The following TENT4B variants were observed in gnomAD, a reference collection of about 807,000 sequenced individuals.
TENT4B encodes PAP associated domain containing 5.
Under a neutral mutation model 75.0 loss-of-function variants are expected in TENT4B, and 10 were observed. The observed-to-expected ratio is 0.13, with a 90% CI of 0.08 to 0.23. The LOEUF is 0.23. Ranked by LOEUF, TENT4B falls within the 10% of genes least tolerant of loss-of-function variation. TENT4B has a pLI of 1.00. For synonymous variants in TENT4B, 350 were observed against 357.7 expected (o/e 0.98, Z 0.24); for missense variants, 579 against 893.8 (o/e 0.65, Z 4.49).
intron 1 of TENT4B, among the ~76,000 whole-genome samples, chr16:50,154,668 G>A (rs1327606929): frequency 2.6e-5 from 4 of 151,960 alleles, no homozygotes; most frequent in African/African-American, 9.7e-5. Context: ...CTTAGCACGG[G>A]CCTATCATTC....
Position 50,231,924 on chromosome 16 carries a change from T to C in TENT4B, c.*2596T>C. The C allele has an allele frequency of 1.0e-6, 1 of 978,344 alleles. No homozygotes were observed. Among genetic ancestry groups the C allele is most frequent in the Non-Finnish European group, 1.2e-6 (1 of 823,400 alleles). 60.6% of individuals were successfully genotyped at this position (978,344 alleles called of 1,614,324 possible). A position where few individuals can be genotyped will look rare whatever the true frequency, so the allele number is the denominator to read the frequency against. On this transcript the variant is annotated 3_prime_UTR_variant, in exon 12 of 12. Coordinates refer to ENST00000561678, the MANE Select transcript of TENT4B (RefSeq NM_001365324.3). ...TAATACTTCCTATATTTTGTGAATA[T>C]ATCAGAAATGTGTCATTTATATATT... is the stretch of plus-strand genomic sequence containing the variant.
In TENT4B at chr16:50,153,557, A is replaced by T; in HGVS notation, c.-65A>T. On this transcript the variant is annotated 5_prime_UTR_variant, in exon 1 of 12. Transcript: ENST00000561678. Reference sequence around the variant, plus strand: ...GCAGCCGAGGCCGGGCGTGCGCCTGAGGCGGCGGCGGCGGCGGCCCTGCGG... The same window carrying T: ...GCAGCCGAGGCCGGGCGTGCGCCTGTGGCGGCGGCGGCGGCGGCCCTGCGG... 1 of 950,108 alleles carries T rather than the reference A, an allele frequency of 1.1e-6. No homozygotes were observed. Among genetic ancestry groups the T allele is most frequent in the Non-Finnish European group, 1.2e-6 (1 of 818,608 alleles). 58.9% of individuals were successfully genotyped at this position (950,108 alleles called of 1,614,324 possible). A position where few individuals can be genotyped will look rare whatever the true frequency, so the allele number is the denominator to read the frequency against.
At chr16:50,199,569 C>T (rs972904447) in intron 1 of TENT4B, among the ~76,000 whole-genome samples, 3 of 152,208 alleles carry the variant, frequency 2.0e-5, no homozygotes, top group Middle Eastern at 3.2e-3. Context: ...GATCTGTTTA[C>T]TGTCTCCATA....
At chr16:50,211,897 G>C (rs1417513558) in intron 2 of TENT4B, among the ~76,000 whole-genome samples, 4 of 152,058 alleles carry the variant, frequency 2.6e-5, no homozygotes, top group Admixed American at 2.6e-4. Flanking sequence ...ATTTCCTTTG[G>C]CTAATGCACG....
chr16:50,201,078 G>A (rs2150722276), intron 1 of TENT4B, among the ~76,000 whole-genome samples: 1 of 152,038 alleles, frequency 6.6e-6, no homozygotes, highest in African/African-American at 2.4e-5. Flanking sequence ...CTGATTATAG[G>A]CCTGAGCCAC....
At chr16:50,171,856 T>C (rs1282120190) in intron 1 of TENT4B, among the ~76,000 whole-genome samples, 1 of 151,964 alleles carries the variant, frequency 6.6e-6, no homozygotes, top group Non-Finnish European at 1.5e-5. Flanking sequence ...TCCCAGCTAC[T>C]CAGGAGGCTG....
intron 1 of TENT4B, among the ~76,000 whole-genome samples, chr16:50,184,557 C>T (rs571422860): frequency 2.6e-5 from 4 of 152,158 alleles, no homozygotes; most frequent in African/African-American, 9.6e-5. Flanking sequence ...GTCCCAGCTA[C>T]GCAGGAGGCT....
intron 4 of TENT4B, among the ~76,000 whole-genome samples, chr16:50,217,247 TAAG>T (rs1484605695): frequency 6.6e-6 from 1 of 152,102 alleles, no homozygotes; most frequent in Non-Finnish European, 1.5e-5. Context: ...TATATCAAGA[TAAG>T]TATATCAAAA....
rs569853884 is a variant in TENT4B at position 50,191,256 on chromosome 16, G to A, written c.639-20067G>A. Among the ~76,000 whole-genome samples the A allele has an allele frequency of 2.6e-5, 4 of 151,746 alleles. No homozygotes were observed. The South Asian group carries it at 6.3e-4, about 24-fold the overall frequency. On this transcript the variant is annotated intron_variant, in intron 1 of 11. Transcript: ENST00000561678. ...AATTGCTGGATCATATGGTAATTCC[G>A]TGTCTGGTTTTTTTTTTGAGGAAGT...
At position 50,230,832 on chromosome 16, in the gene TENT4B, T is replaced by C; in HGVS notation, c.*1504T>C. On this transcript the variant is annotated 3_prime_UTR_variant, in exon 12 of 12. Coordinates refer to ENST00000561678, the MANE Select transcript of TENT4B (RefSeq NM_001365324.3). ...ATGTAAGTGACATTTCTGAAAATGC[T>C]TTCTTTCAGGGTGAAAGCTCTTATG... 1.0e-6 allele frequency: 1 copy of C among 985,642 alleles called. No homozygotes were observed. 61.1% of individuals were successfully genotyped at this position (985,642 alleles called of 1,614,324 possible).
intron 1 of TENT4B, among the ~76,000 whole-genome samples, chr16:50,159,121 A>G (rs566846931): frequency 1.3e-5 from 2 of 151,954 alleles, no homozygotes; most frequent in Non-Finnish European, 2.9e-5. Flanking sequence ...TCTAGTGCCC[A>G]TTGTTCATCA....
At chr16:50,194,733 G>A (rs888572695) in intron 1 of TENT4B, among the ~76,000 whole-genome samples, 4 of 138,764 alleles carry the variant, frequency 2.9e-5, no homozygotes, top group Non-Finnish European at 6.1e-5. Flanking sequence ...GCTAGCCACC[G>A]TGCTTGGCTA....
chr16:50,167,713 A>G (rs765437750), intron 1 of TENT4B, among the ~76,000 whole-genome samples: 3 of 151,018 alleles, frequency 2.0e-5, no homozygotes, highest in Non-Finnish European at 3.0e-5. Flanking sequence ...GCTGGAGTGC[A>G]GTGGTGTGAT....
intron 1 of TENT4B, among the ~76,000 whole-genome samples, chr16:50,208,588 T>G (rs933622671): frequency 6.6e-6 from 1 of 152,204 alleles, no homozygotes; most frequent in East Asian, 1.9e-4. Context: ...ACAGAACATA[T>G]GCATTGCACA....
intron 5 of TENT4B, among the ~76,000 whole-genome samples, chr16:50,219,490 T>A (rs1031561546): frequency 2.0e-5 from 3 of 152,204 alleles, no homozygotes; most frequent in Non-Finnish European, 4.4e-5. Context: ...TCCAGTTTTC[T>A]TTTGCTATTA....
At chr16:50,223,838 C>T (rs1245582500) in intron 7 of TENT4B, among the ~76,000 whole-genome samples, 1 of 152,150 alleles carries the variant, frequency 6.6e-6, no homozygotes, top group South Asian at 2.1e-4. Context: ...TTTTGAATTT[C>T]TCCTTTCCTG....
rs1255989430 is a variant in TENT4B at position 50,173,507 on chromosome 16, C to T, written c.638+19248C>T. Among the ~76,000 whole-genome samples, 5 of 152,256 alleles carry T rather than the reference C, an allele frequency of 3.3e-5. No individual in the cohort carries two copies. The East Asian group carries it at 7.7e-4, about 24-fold the overall frequency. On this transcript the variant is annotated intron_variant, in intron 1 of 11. Transcript: ENST00000561678. ...CAAACTGTCTTTCAGGGTGACTGTA[C>T]CATTTTGCATTCCCACCAGCAATGA... is the stretch of plus-strand genomic sequence containing the variant.
intron 1 of TENT4B, among the ~76,000 whole-genome samples, chr16:50,163,694 C>T (rs1031962574): frequency 3.3e-5 from 5 of 150,942 alleles, no homozygotes; most frequent in African/African-American, 4.9e-5. Context: ...CCACCGCGCC[C>T]GGCCTGATAT....
intron 1 of TENT4B, among the ~76,000 whole-genome samples, chr16:50,209,722 C>T (rs1486951115): frequency 6.6e-6 from 1 of 152,172 alleles, no homozygotes; most frequent in African/African-American, 2.4e-5. Flanking sequence ...AGTCACCTGT[C>T]AGAGGGAACA....
Sources: gnomAD v4.1 joint callset for allele counts (sites outside exome capture counted in the v4.1 genomes callset) on GRCh38, gnomAD v4.1.1 for gene constraint, MANE v1.5 for transcripts, NCBI Gene and HGNC (gene_info 2026-07-23, HGNC 2026-07-21) for gene names.